The following KIF24 variants were observed in gnomAD, a reference collection of about 807,000 sequenced individuals.
KIF24 encodes the protein kinesin family member 24, also known as kinesin-like protein KIF24.
KIF24 carries 81 observed loss-of-function variants against 118.9 expected under a neutral mutation model. The ratio of observed to expected loss-of-function variants is 0.68; its 90% CI spans 0.57 to 0.82. The LOEUF is 0.82. Among genes scored for constraint, KIF24 ranks in the 40% least tolerant of loss-of-function variants. KIF24 has a pLI of 0.00. For synonymous variants in KIF24, 599 were observed against 610.0 expected, an observed-to-expected ratio of 0.98 and a Z score of 0.27; for missense variants, 1,560 against 1,661.6, an observed-to-expected ratio of 0.94 and a Z score of 1.06.
upstream of KIF24, among the ~76,000 whole-genome samples, chr9:34,330,971 A>T (rs566192150): frequency 4.6e-5 from 7 of 152,196 alleles, no homozygotes; most frequent in South Asian, 1.5e-3. Flanking sequence ...AAAAAAAAAA[A>T]GGTAGCTATT....
chr9:34,307,615 T>G (rs1314206629), intron 2 of KIF24, among the ~76,000 whole-genome samples: 1 of 152,006 alleles, frequency 6.6e-6, no homozygotes, highest in African/African-American at 2.4e-5. Flanking sequence ...GTGACAATCA[T>G]TGAAACTGGA....
chr9:34,311,103 T>C lies in KIF24; in HGVS notation c.244A>G (p.Ser82Gly), dbSNP rs372030859. 92 of 1,613,692 alleles carry C rather than the reference T, an allele frequency of 5.7e-5. No individual in the cohort carries two copies. The highest frequency in any genetic ancestry group is 7.3e-5 in the Non-Finnish European group (86 of 1,179,716). The change falls in exon 2 of 13, where the codon AGC (serine) becomes GGC (glycine). Residue 82 changes from serine (S) to glycine (G), a missense_variant. Ser to Gly is a moderately conservative substitution (Grantham distance 56). Around this residue, in one of 3 missense-constraint regions of KIF24, gnomAD observed 964 missense variants for 988.0 expected, o/e 0.98. Coordinates refer to ENST00000402558, the MANE Select transcript of KIF24 (RefSeq NM_194313.4). ...AATTCCTGAGATTTGATGCGCAGGC[T>C]GCTTGTCTGAAGATGACGCTCTGGG... The part of the protein sequence containing the change: ...SIPERHLQTS[S>G]LRIKSQELRS...
chr9:34,312,998 G>A (rs1240907378), intron 1 of KIF24, among the ~76,000 whole-genome samples: 6 of 152,176 alleles, frequency 3.9e-5, no homozygotes, highest in East Asian at 1.9e-4. Flanking sequence ...CACACTGGCT[G>A]GTAGATTTGT....
intron 8 of KIF24, among the ~76,000 whole-genome samples, chr9:34,266,400 C>A (rs917691097): frequency 3.9e-5 from 6 of 152,086 alleles, no homozygotes; most frequent in African/African-American, 1.4e-4. Flanking sequence ...AAGGCTCAAC[C>A]AGGCGCGGTG....
upstream of KIF24, among the ~76,000 whole-genome samples, chr9:34,332,748 T>C (rs1041836282): frequency 6.6e-6 from 1 of 152,062 alleles, no homozygotes; most frequent in Non-Finnish European, 1.5e-5. Flanking sequence ...AAGAATGGAG[T>C]GGCAGATGTC....
intron 1 of KIF24, among the ~76,000 whole-genome samples, chr9:34,311,802 A>C (rs548424620): frequency 8.4e-4 from 127 of 150,932 alleles, no homozygotes; most frequent in African/African-American, 2.8e-3. Context: ...ACACATATAT[A>C]TATACACATA....
chr9:34,291,909 G>T (rs946109432), intron 4 of KIF24, among the ~76,000 whole-genome samples: 1 of 152,154 alleles, frequency 6.6e-6, no homozygotes, highest in South Asian at 2.1e-4. Context: ...CTCCCATTTG[G>T]TTCCTAAATA....
At chr9:34,327,540 G>T (rs1411778935) in intron 1 of KIF24, among the ~76,000 whole-genome samples, 1 of 152,022 alleles carries the variant, frequency 6.6e-6, no homozygotes. Context: ...TGCATATAAA[G>T]CCCTGGATAC....
In KIF24 at chr9:34,318,805, G is replaced by C; in HGVS notation, c.-25-7434C>G. The C allele has an allele frequency of 6.4e-7, 1 of 1,565,354 alleles. No homozygotes were observed. On this transcript the variant is annotated intron_variant, in intron 1 of 12. Coordinates refer to ENST00000402558, the MANE Select transcript of KIF24 (RefSeq NM_194313.4). The surrounding 1 kb of genome is among the most constrained non-coding windows in gnomAD (Gnocchi z 4.9). ...TGACCTGGAAGCTGTGCAGTCGCCT[G>C]TAGGGACCCAGCTCAGTGAGTTTCG...
intron 9 of KIF24, among the ~76,000 whole-genome samples, chr9:34,260,064 G>A (rs1834999248): frequency 1.3e-5 from 2 of 152,114 alleles, no homozygotes; most frequent in Non-Finnish European, 2.9e-5. Flanking sequence ...GTATCAAAAT[G>A]TAAAAAGAAG....
Position 34,256,481 on chromosome 9 carries a change from A to C in KIF24, c.3126T>G (p.Ala1042=). Reference sequence around the variant, plus strand: ...GAGACATGAGTCCAGAAGCATATTCAGCATGCGTGCCTAACTGCCCCCTAG... The same window carrying C: ...GAGACATGAGTCCAGAAGCATATTCCGCATGCGTGCCTAACTGCCCCCTAG... ...EDPRGQLGTH[A]EYASGLMSPL... The change falls in exon 11 of 13, where the codon GCT becomes GCG. Residue 1042 remains alanine (A), a synonymous_variant. Coordinates refer to ENST00000402558, the MANE Select transcript of KIF24 (RefSeq NM_194313.4). 1.2e-6 allele frequency: 2 copies of C among 1,613,814 alleles called. No homozygotes were observed. Among genetic ancestry groups the C allele is most frequent in the Non-Finnish European group, 1.7e-6 (2 of 1,179,802 alleles).
rs1836973487 is a variant in KIF24 at position 34,307,594 on chromosome 9, G to A, written c.624-1153C>T. 2.0e-5 allele frequency among the ~76,000 whole-genome samples: 3 copies of A among 152,104 alleles called. 1 individual carries two copies. In the South Asian group the frequency reaches 6.2e-4, roughly 31 times the overall value. On this transcript the variant is annotated intron_variant, in intron 2 of 12. Transcript: ENST00000402558. ...ATGAAATGTACCATTTTGAGGTACT[G>A]TGGGAAAATCGTGACAATCATTGAA...
chr9:34,260,725 C>T (rs1215920893), intron 9 of KIF24, among the ~76,000 whole-genome samples: 1 of 152,172 alleles, frequency 6.6e-6, no homozygotes, highest in Admixed American at 6.5e-5. Context: ...AATCCTAGCA[C>T]TTTGGGAGGC....
rs201861138 is a variant in KIF24 at position 34,327,846 on chromosome 9, A to T, written c.-26+1260T>A. Among the ~76,000 whole-genome samples the T allele has an allele frequency of 5.5e-3, 818 of 149,690 alleles. 3 individuals carry two copies. The highest frequency in any genetic ancestry group is 9.6e-3 in the South Asian group (45 of 4,696). On this transcript the variant is annotated intron_variant, in intron 1 of 12. Transcript: ENST00000402558. Reference sequence around the variant, plus strand: ...CAAGACATTTTCTCTAATAAAAAAAAAATAATAATAATAATAAAGGGACTA... The same window carrying T: ...CAAGACATTTTCTCTAATAAAAAAATAATAATAATAATAATAAAGGGACTA...
chr9:34,257,625 T>C lies in KIF24; in HGVS notation c.1982A>G (p.Lys661Arg). The C allele has an allele frequency of 6.2e-7, 1 of 1,612,942 alleles. No homozygotes were observed. Among genetic ancestry groups the C allele is most frequent in the Non-Finnish European group, 8.5e-7 (1 of 1,179,154 alleles). Residue 661 changes from lysine to arginine, a missense_variant, in exon 11 of 13, where the codon AAG becomes AGG. By Grantham distance (26) the Lys-to-Arg change is conservative (BLOSUM62 2). Around this residue, in one of 3 missense-constraint regions of KIF24, gnomAD observed 964 missense variants for 988.0 expected, o/e 0.98. Coordinates refer to ENST00000402558, the MANE Select transcript of KIF24 (RefSeq NM_194313.4). ...TVRSGHVAKK[K>R]PEESAPLCSE... The stretch of plus-strand genomic sequence containing the variant: ...GCACAATGGTGCTGACTCTTCTGGC[T>C]TTTTTTTGGCCACATGTCCAGAGCG...
upstream of KIF24, among the ~76,000 whole-genome samples, chr9:34,330,820 G>C (rs567485128): frequency 1.4e-4 from 22 of 152,188 alleles, no homozygotes; most frequent in African/African-American, 4.8e-4. Flanking sequence ...AATTAGCCGG[G>C]CGTGGTGGCG....
In KIF24 at chr9:34,325,892, T is replaced by G. The variant is rs1837657515; in HGVS notation, c.-26+3214A>C. On this transcript the variant is annotated intron_variant, in intron 1 of 12. Transcript: ENST00000402558. Reference sequence around the variant, plus strand: ...CAGAGATGCTGGTGCCCTGAGTCACTGCTCCTGGACACCAAAATTATGCAA... The same window carrying G: ...CAGAGATGCTGGTGCCCTGAGTCACGGCTCCTGGACACCAAAATTATGCAA... Among the ~76,000 whole-genome samples the G allele has an allele frequency of 2.6e-5, 4 of 152,194 alleles. No individual in the cohort carries two copies. The South Asian group carries it at 8.3e-4, about 32-fold the overall frequency.
At chr9:34,330,785 C>T (rs1194462627), upstream of KIF24, among the ~76,000 whole-genome samples, 1 of 152,060 alleles carries the variant, frequency 6.6e-6, no homozygotes, top group African/African-American at 2.4e-5. Context: ...CACGGTGAAA[C>T]CCCGTCTCTA....
Position 34,264,388 on chromosome 9 carries a change from C to T in KIF24, c.1444-1216G>A, listed in dbSNP as rs552691178. On this transcript the variant is annotated intron_variant, in intron 8 of 12. Coordinates refer to ENST00000402558, the MANE Select transcript of KIF24 (RefSeq NM_194313.4). ...GAGGTTGCAGTGAGCTGAGATCATG[C>T]CACTGTACTCCAGCCTGGGTGACAG... Among the ~76,000 whole-genome samples, 41 of 151,778 alleles carry T rather than the reference C, an allele frequency of 2.7e-4. No individual in the cohort carries two copies. In the South Asian group the frequency reaches 8.1e-3, roughly 30 times the overall value.
Sources: gnomAD v4.1 joint callset for allele counts (sites outside exome capture counted in the v4.1 genomes callset) on GRCh38, gnomAD v4.1.1 for gene constraint, gnomAD v4.1.1 regional missense constraint, Gnocchi (gnomAD v3.1) non-coding constraint, MANE v1.5 for transcripts, NCBI Gene and HGNC (gene_info 2026-07-23, HGNC 2026-07-21) for gene names.